Variants in ATRNL1 observed in about 807,000 individuals in gnomAD.
ATRNL1 encodes attractin like 1.
A neutral mutation model predicts 182.7 loss-of-function variants in ATRNL1; 95 were observed. The observed-to-expected ratio is 0.52, with a 90% CI of 0.44 to 0.62. The LOEUF is 0.62. Ranked by LOEUF, ATRNL1 falls within the 20% of genes least tolerant of loss-of-function variation. The pLI is 0.00. For missense variants in ATRNL1, 1,471 were observed against 1,679.5 expected (o/e 0.88, Z 2.17); for synonymous variants, 576 against 568.3 (o/e 1.01, Z -0.19).
intron 28 of ATRNL1, among the ~76,000 whole-genome samples, chr10:115,942,760 T>C (rs1953767763): frequency 6.6e-6 from 1 of 152,202 alleles, no homozygotes. Flanking sequence ...GAGCCAAAAG[T>C]CCTTTTGTGG....
intron 24 of ATRNL1, among the ~76,000 whole-genome samples, chr10:115,475,941 C>T (rs923635309): frequency 2.0e-5 from 3 of 151,266 alleles, no homozygotes; most frequent in Non-Finnish European, 1.5e-5. Flanking sequence ...TATAACTGCT[C>T]ATCATAACAA....
rs773947693 is a variant in ATRNL1, at chr10:115,449,540, C to A, written c.3323-12401C>A. Among the ~76,000 whole-genome samples, 5 of 152,276 alleles carry A rather than the reference C, an allele frequency of 3.3e-5. No individual in the cohort carries two copies. In the East Asian group the frequency reaches 9.7e-4, roughly 29 times the overall value. ...TGAGCTATTTAACACTTAAGCCTTCCGTGGATGGCAAAGCTAAGAAGACAC... is the reference window on the plus strand; with the variant it reads ...TGAGCTATTTAACACTTAAGCCTTCAGTGGATGGCAAAGCTAAGAAGACAC... On this transcript the variant is annotated intron_variant, in intron 21 of 28. Coordinates refer to ENST00000355044, the MANE Select transcript of ATRNL1 (RefSeq NM_207303.4).
At chr10:115,612,143 T>C (rs1341565848) in intron 26 of ATRNL1, among the ~76,000 whole-genome samples, 1 of 151,940 alleles carries the variant, frequency 6.6e-6, no homozygotes, top group Non-Finnish European at 1.5e-5. Flanking sequence ...TCCCAGCTAC[T>C]TGGGAGGCTG....
At chr10:115,364,948 C>A (rs1856949867) in intron 19 of ATRNL1, among the ~76,000 whole-genome samples, 1 of 151,308 alleles carries the variant, frequency 6.6e-6, no homozygotes, top group Non-Finnish European at 1.5e-5. Context: ...ATTTTTGCAT[C>A]AAGGTTCATC....
chr10:115,799,834 A>G (rs1228119619), intron 27 of ATRNL1, among the ~76,000 whole-genome samples: 1 of 152,152 alleles, frequency 6.6e-6, no homozygotes, highest in Non-Finnish European at 1.5e-5. Flanking sequence ...AAATCTTTCA[A>G]TATCAGATAC....
At chr10:115,811,055 T>C (rs1471265303) in intron 27 of ATRNL1, among the ~76,000 whole-genome samples, 3 of 151,926 alleles carry the variant, frequency 2.0e-5, no homozygotes, top group East Asian at 1.9e-4. Context: ...GTTAGTGTCC[T>C]AGGAGGGAAG....
At chr10:115,171,803 C>T (rs1847305809) in intron 8 of ATRNL1, among the ~76,000 whole-genome samples, 1 of 151,990 alleles carries the variant, frequency 6.6e-6, no homozygotes, top group Non-Finnish European at 1.5e-5. Flanking sequence ...CTAGGGCAAT[C>T]TACATGTGAG....
chr10:115,109,249 T>C (rs1054963087), intron 1 of ATRNL1, among the ~76,000 whole-genome samples: 33 of 152,354 alleles, frequency 2.2e-4, no homozygotes, highest in African/African-American at 7.9e-4. Flanking sequence ...AGCAGTGTTC[T>C]ATGCTTCAAT....
At chr10:115,884,887 A>G (rs1837623644) in intron 28 of ATRNL1, among the ~76,000 whole-genome samples, 1 of 152,194 alleles carries the variant, frequency 6.6e-6, no homozygotes, top group Non-Finnish European at 1.5e-5. Flanking sequence ...CTTTCTTTTT[A>G]TCCATGCACA....
intron 1 of ATRNL1, among the ~76,000 whole-genome samples, chr10:115,108,719 C>T (rs1457485427): frequency 6.6e-6 from 1 of 152,128 alleles, no homozygotes; most frequent in African/African-American, 2.4e-5. Context: ...CAGCATTCAC[C>T]CATGCAAGCT....
At chr10:115,423,955 C>T (rs1473298584) in intron 20 of ATRNL1, among the ~76,000 whole-genome samples, 1 of 152,110 alleles carries the variant, frequency 6.6e-6, no homozygotes, top group Non-Finnish European at 1.5e-5. Flanking sequence ...ACAAAAGCTT[C>T]TGTGCAGCAA....
chr10:115,638,306 A>G (rs1859022063), intron 26 of ATRNL1, among the ~76,000 whole-genome samples: 2 of 152,196 alleles, frequency 1.3e-5, no homozygotes, highest in Non-Finnish European at 2.9e-5. Flanking sequence ...AAGCTGTGCT[A>G]TATAGCCTAA....
chr10:115,486,831 G>T (rs763693534), intron 24 of ATRNL1, among the ~76,000 whole-genome samples: 1 of 152,080 alleles, frequency 6.6e-6, no homozygotes, highest in Non-Finnish European at 1.5e-5. Context: ...GTCCTGAATG[G>T]TATTGCCCAG....
chr10:115,638,765 A>G (rs1269445521), intron 26 of ATRNL1, among the ~76,000 whole-genome samples: 2 of 152,240 alleles, frequency 1.3e-5, no homozygotes, highest in African/African-American at 4.8e-5. Flanking sequence ...AGTAAGAGAA[A>G]TAAAAATAAT....
intron 19 of ATRNL1, among the ~76,000 whole-genome samples, chr10:115,344,582 CCTAAAA>C: frequency 6.6e-6 from 1 of 152,296 alleles, no homozygotes; most frequent in South Asian, 2.1e-4. Flanking sequence ...AGAGTTAAGT[CCTAAAA>C]TTGGGGATCC....
At chr10:115,695,153 T>C (rs1555049390) in intron 26 of ATRNL1, among the ~76,000 whole-genome samples, 1 of 152,032 alleles carries the variant, frequency 6.6e-6, no homozygotes, top group Non-Finnish European at 1.5e-5. Context: ...AAAGAAAAAT[T>C]CAAAACCCTT....
chr10:115,804,134 C>T (rs11816880), intron 27 of ATRNL1, among the ~76,000 whole-genome samples: 6,259 of 152,170 alleles, frequency 0.041, 432 homozygotes, highest in African/African-American at 0.14. Flanking sequence ...AGGTCCAAAA[C>T]ATGTAGCAAG....
At chr10:115,351,937 A>C (rs782560863) in intron 19 of ATRNL1, among the ~76,000 whole-genome samples, 1 of 152,114 alleles carries the variant, frequency 6.6e-6, no homozygotes, top group Admixed American at 6.5e-5. Context: ...CAGTGAAACT[A>C]TCTGATATTG....
rs369498429 is a variant in ATRNL1, at chr10:115,728,274, G to A, written c.3903+919G>A. Reference sequence around the variant, plus strand: ...CCTGCCACTGCACTCCAGCCTGGGCGACAGACAGAGTGGGACTCCGCCTCA... The same window carrying A: ...CCTGCCACTGCACTCCAGCCTGGGCAACAGACAGAGTGGGACTCCGCCTCA... On this transcript the variant is annotated intron_variant, in intron 27 of 28. Transcript: ENST00000355044. 1.9e-4 allele frequency among the ~76,000 whole-genome samples: 23 copies of A among 119,336 alleles called. No homozygotes were observed. In the South Asian group the frequency reaches 5.9e-3, roughly 31 times the overall value. 78.3% of individuals were successfully genotyped at this position (119,336 alleles called of 152,430 possible). A position where few individuals can be genotyped will look rare whatever the true frequency, so the allele number is the denominator to read the frequency against.
Sources: gnomAD v4.1 joint callset for allele counts (sites outside exome capture counted in the v4.1 genomes callset) on GRCh38, gnomAD v4.1.1 for gene constraint, MANE v1.5 for transcripts, NCBI Gene and HGNC (gene_info 2026-07-23, HGNC 2026-07-21) for gene names.